The following FRMD4A variants were observed in gnomAD, a reference collection of about 807,000 sequenced individuals.
The protein encoded by FRMD4A is FERM domain containing 4A.
A neutral mutation model predicts 129.1 loss-of-function variants in FRMD4A; 29 were observed. The observed-to-expected ratio is 0.22, with a 90% CI of 0.17 to 0.31. The LOEUF is 0.31. Ranked by LOEUF, FRMD4A falls within the 10% of genes least tolerant of loss-of-function variation. The pLI, the probability that FRMD4A is intolerant of heterozygous loss-of-function variation, is 1.00. For missense variants in FRMD4A, 1,272 were observed against 1,375.8 expected, an observed-to-expected ratio of 0.92 and a Z score of 1.19; for synonymous variants, 634 against 571.6, an observed-to-expected ratio of 1.11 and a Z score of -1.56.
chr10:14,055,066 C>G (rs1834443969), intron 2 of FRMD4A, among the ~76,000 whole-genome samples: 1 of 152,156 alleles, frequency 6.6e-6, no homozygotes, highest in Non-Finnish European at 1.5e-5. Context: ...CTCAAAGCCA[C>G]TTTGCTGGAT....
At chr10:13,900,640 TAA>T (rs1252038823) in intron 2 of FRMD4A, among the ~76,000 whole-genome samples, 1 of 152,200 alleles carries the variant, frequency 6.6e-6, no homozygotes, top group African/African-American at 2.4e-5. Context: ...CTCATGCCTG[TAA>T]TCCCGGGACT....
intron 3 of FRMD4A, among the ~76,000 whole-genome samples, chr10:13,854,586 ATT>A (rs34618985): frequency 1.5e-4 from 20 of 130,506 alleles, no homozygotes; most frequent in African/African-American, 3.4e-4. Context: ...ACACCGAGCT[ATT>A]TTTTTTTTTT....
At chr10:14,322,751 G>A (rs1472175588) in intron 2 of FRMD4A, among the ~76,000 whole-genome samples, 2 of 152,112 alleles carry the variant, frequency 1.3e-5, no homozygotes, top group Non-Finnish European at 2.9e-5. Flanking sequence ...GCATGTTTCC[G>A]GGACCTTTGA....
rs1314086837 is a variant in FRMD4A at position 13,971,708 on chromosome 10, C to T, written c.46-112796G>A. 1.2e-5 allele frequency: 15 copies of T among 1,304,184 alleles called. No homozygotes were observed. In the Admixed American group the frequency reaches 1.4e-4, roughly 12 times the overall value. The allele number at this position is 1,304,184 out of a possible 1,614,324, so 80.8% of individuals were successfully genotyped here. A position where few individuals can be genotyped will look rare whatever the true frequency, so the allele number is the denominator to read the frequency against. ...TGGTTTTAGCAGCAGCTGCAGAACT[C>T]GAATGTTCCTCACTTGGCAGGTCCT... On this transcript the variant is annotated intron_variant, in intron 2 of 24. Coordinates refer to ENST00000357447, the MANE Select transcript of FRMD4A (RefSeq NM_018027.5).
chr10:14,212,151 C>A (rs1445171663), intron 2 of FRMD4A, among the ~76,000 whole-genome samples: 1 of 152,154 alleles, frequency 6.6e-6, no homozygotes, highest in Non-Finnish European at 1.5e-5. Flanking sequence ...TTCTACCCAG[C>A]ACCACACCCC....
At chr10:13,680,281 ACT>A (rs1192201556) in intron 15 of FRMD4A, among the ~76,000 whole-genome samples, 1 of 151,422 alleles carries the variant, frequency 6.6e-6, no homozygotes, top group Non-Finnish European at 1.5e-5. Flanking sequence ...ACATGGTGAG[ACT>A]CTGTCTCTAC....
intron 2 of FRMD4A, among the ~76,000 whole-genome samples, chr10:14,010,620 G>T (rs1588762793): frequency 6.8e-6 from 1 of 147,488 alleles, no homozygotes; most frequent in East Asian, 2.1e-4. Flanking sequence ...CTTGCCATGG[G>T]TGTCGGAGAC....
At chr10:14,196,709 A>C (rs1397632384) in intron 2 of FRMD4A, among the ~76,000 whole-genome samples, 2 of 152,234 alleles carry the variant, frequency 1.3e-5, no homozygotes, top group East Asian at 3.8e-4. Flanking sequence ...TGCCATTCTT[A>C]ATGTAAATTG....
chr10:13,710,300 T>A (rs558068764), intron 12 of FRMD4A: 3 of 152,380 alleles, frequency 2.0e-5, no homozygotes, highest in Non-Finnish European at 4.4e-5. Context: ...AGGGGTTGTT[T>A]CCCTGGCAAC....
chr10:14,026,617 G>A (rs1292392543), intron 2 of FRMD4A, among the ~76,000 whole-genome samples: 1 of 152,158 alleles, frequency 6.6e-6, no homozygotes, highest in Non-Finnish European at 1.5e-5. Flanking sequence ...TTCCCTGATG[G>A]GCTAACTGAG....
chr10:13,748,303 T>C (rs1200616841), intron 8 of FRMD4A, among the ~76,000 whole-genome samples: 1 of 152,248 alleles, frequency 6.6e-6, no homozygotes, highest in Non-Finnish European at 1.5e-5. Context: ...TTTCATGGCT[T>C]ACGTTGACCA....
chr10:13,951,625 C>T (rs1357175200), intron 2 of FRMD4A, among the ~76,000 whole-genome samples: 3 of 152,090 alleles, frequency 2.0e-5, no homozygotes, highest in Middle Eastern at 3.4e-3. Flanking sequence ...CGTGGTGGCT[C>T]ATGCCTGTAA....
chr10:13,705,868 GA>G (rs748722784), intron 13 of FRMD4A, among the ~76,000 whole-genome samples: 9 of 152,242 alleles, frequency 5.9e-5, no homozygotes, highest in Non-Finnish European at 7.3e-5. Context: ...CCGTGGTGCT[GA>G]GATAAGCTCT....
chr10:13,657,657 T>C, intron 21 of FRMD4A, 135 bp from the exon 22 acceptor site: 3 of 1,289,042 alleles, frequency 2.3e-6, no homozygotes, highest in Non-Finnish European at 3.1e-6. Context: ...CAAGCCAGAG[T>C]CTCACTCAGC....
chr10:14,060,251 G>C (rs910464629), intron 2 of FRMD4A, among the ~76,000 whole-genome samples: 3 of 152,168 alleles, frequency 2.0e-5, no homozygotes, highest in Non-Finnish European at 4.4e-5. Flanking sequence ...ACTGTTGACT[G>C]GGAACCTAGT....
chr10:13,824,846 G>T (rs1382938300), intron 3 of FRMD4A, among the ~76,000 whole-genome samples: 2 of 138,170 alleles, frequency 1.4e-5, no homozygotes, highest in Non-Finnish European at 3.0e-5. Context: ...AGTGAGCCGA[G>T]ATTGTGCCAT....
intron 2 of FRMD4A, among the ~76,000 whole-genome samples, chr10:13,996,415 T>C (rs537654527): frequency 6.7e-4 from 101 of 151,764 alleles, no homozygotes; most frequent in Non-Finnish European, 6.2e-4. Flanking sequence ...CCCTGATGAC[T>C]CTGCTCATCT....
At chr10:13,940,556 C>T (rs556070780) in intron 2 of FRMD4A, among the ~76,000 whole-genome samples, 1 of 152,064 alleles carries the variant, frequency 6.6e-6, no homozygotes, top group African/African-American at 2.4e-5. Flanking sequence ...ATGTATAGGC[C>T]TGAGGGTATT....
chr10:14,118,788 A>G (rs1403856148), intron 2 of FRMD4A, among the ~76,000 whole-genome samples: 1 of 152,172 alleles, frequency 6.6e-6, no homozygotes, highest in Non-Finnish European at 1.5e-5. Context: ...CCATGATTCA[A>G]TTACCTCCCC....
Sources: gnomAD v4.1 joint callset for allele counts (sites outside exome capture counted in the v4.1 genomes callset) on GRCh38, gnomAD v4.1.1 for gene constraint, MANE v1.5 for transcripts, NCBI Gene and HGNC (gene_info 2026-07-23, HGNC 2026-07-21) for gene names.